The following TTC6 variants were observed in gnomAD, a reference collection of about 807,000 sequenced individuals.
The protein encoded by TTC6 is tetratricopeptide repeat domain 6.
TTC6 carries 172 observed loss-of-function variants against 210.4 expected under a neutral mutation model. The observed-to-expected ratio is 0.82, with a 90% CI of 0.72 to 0.93. The LOEUF (loss-of-function observed/expected upper bound fraction) is 0.93. TTC6 is among the 40% of genes least tolerant of loss of function. TTC6 has a pLI of 0.00. For missense variants in TTC6, 2,414 were observed against 2,318.1 expected (o/e 1.04, Z -0.85); for synonymous variants, 804 against 819.6 (o/e 0.98, Z 0.32).
At chr14:37,834,159 C>T (rs554783002) in intron 29 of TTC6, among the ~76,000 whole-genome samples, 22 of 152,192 alleles carry the variant, frequency 1.4e-4, no homozygotes, top group African/African-American at 5.3e-4. Flanking sequence ...GATAATGTGC[C>T]TTGGAGAGGG....
intron 1 of TTC6, among the ~76,000 whole-genome samples, chr14:37,650,553 A>G (rs552579079): frequency 2.0e-5 from 3 of 152,312 alleles, no homozygotes; most frequent in South Asian, 2.1e-4. Flanking sequence ...AAGCTTTCCT[A>G]TGGGAAAGTG....
intron 5 of TTC6, among the ~76,000 whole-genome samples, chr14:37,711,429 A>G (rs565961282): frequency 6.6e-6 from 1 of 152,266 alleles, no homozygotes; most frequent in African/African-American, 2.4e-5. Flanking sequence ...AGGATTTGTA[A>G]AGGTCTCGTG....
At chr14:37,712,076 G>A (rs1448350295) in intron 5 of TTC6, among the ~76,000 whole-genome samples, 1 of 152,100 alleles carries the variant, frequency 6.6e-6, no homozygotes, top group Non-Finnish European at 1.5e-5. Flanking sequence ...GGAGCATAAA[G>A]GCTAACCTTA....
At chr14:37,662,793 C>T (rs766752352) in intron 1 of TTC6, among the ~76,000 whole-genome samples, 12 of 152,140 alleles carry the variant, frequency 7.9e-5, no homozygotes, top group Non-Finnish European at 1.5e-4. Flanking sequence ...CAGTACTATG[C>T]AGTTTTGTTT....
chr14:37,675,892 A>G (rs568000027), intron 1 of TTC6, among the ~76,000 whole-genome samples: 40 of 152,044 alleles, frequency 2.6e-4, no homozygotes, highest in Middle Eastern at 3.4e-3. Flanking sequence ...AGAAATGTCA[A>G]AAATACTTTG....
intron 8 of TTC6, among the ~76,000 whole-genome samples, chr14:37,737,432 T>A (rs78423492): frequency 2.4e-4 from 37 of 151,416 alleles, no homozygotes; most frequent in Admixed American, 1.2e-3. Context: ...TTGAATTTTT[T>A]AAAAAAACAT....
intron 2 of TTC6, among the ~76,000 whole-genome samples, chr14:37,616,315 A>G (rs1489742419): frequency 6.6e-6 from 1 of 152,026 alleles, no homozygotes; most frequent in Non-Finnish European, 1.5e-5. Flanking sequence ...AGGGCTTCCT[A>G]TCAATGTTTT....
intron 1 of TTC6, among the ~76,000 whole-genome samples, chr14:37,669,982 A>G (rs1296909471): frequency 1.3e-5 from 2 of 152,158 alleles, no homozygotes; most frequent in Non-Finnish European, 2.9e-5. Context: ...AATTTGGAGG[A>G]GATGGAATTT....
chr14:37,608,286 TTG>T (rs142169592), intron 2 of TTC6, among the ~76,000 whole-genome samples: 32 of 151,136 alleles, frequency 2.1e-4, no homozygotes, highest in African/African-American at 4.4e-4. Context: ...CAAGTTTTTT[TTG>T]TGTGTGTGTG....
At chr14:37,719,887 G>A (rs2095858599) in intron 6 of TTC6, among the ~76,000 whole-genome samples, 1 of 151,792 alleles carries the variant, frequency 6.6e-6, no homozygotes, top group African/African-American at 2.4e-5. Context: ...CTCTACAAAA[G>A]ACCCTGTTAA....
At chr14:37,834,341 A>G (rs2096192992) in intron 29 of TTC6, among the ~76,000 whole-genome samples, 1 of 152,066 alleles carries the variant, frequency 6.6e-6, no homozygotes, top group Admixed American at 6.5e-5. Context: ...ATGGTATCCT[A>G]TATATGATGT....
At chr14:37,750,823 G>A (rs2095949564) in intron 12 of TTC6, among the ~76,000 whole-genome samples, 1 of 152,108 alleles carries the variant, frequency 6.6e-6, no homozygotes, top group South Asian at 2.1e-4. Context: ...CCTGGAGGTC[G>A]AGGCTGCAGT....
chr14:37,736,207 G>A (rs138701752), intron 8 of TTC6, among the ~76,000 whole-genome samples, 197 bp downstream of exon 10: 2 of 152,146 alleles, frequency 1.3e-5, no homozygotes, highest in African/African-American at 4.8e-5. Flanking sequence ...CCAATATGGT[G>A]AAACCCCATC....
intron 5 of TTC6, among the ~76,000 whole-genome samples, chr14:37,706,757 A>T (rs575631385): frequency 6.6e-6 from 1 of 152,182 alleles, no homozygotes; most frequent in Non-Finnish European, 1.5e-5. Context: ...TTCATTGTAC[A>T]CTTAACCCAT....
At chr14:37,714,081 T>C (rs2095848704) in intron 5 of TTC6, among the ~76,000 whole-genome samples, 1 of 152,244 alleles carries the variant, frequency 6.6e-6, no homozygotes, top group Non-Finnish European at 1.5e-5. Flanking sequence ...CAGTAATTAA[T>C]GACACATTTA....
At chr14:37,710,411 A>T (rs2095842766) in intron 5 of TTC6, among the ~76,000 whole-genome samples, 2 of 152,164 alleles carry the variant, frequency 1.3e-5, no homozygotes, top group Non-Finnish European at 2.9e-5. Flanking sequence ...CTTTAACAGC[A>T]TCATACAATC....
At chr14:37,807,284 C>T (rs1377396358) in intron 22 of TTC6, 36 bp from the exon 25 acceptor site, 5 of 1,438,274 alleles carry the variant, frequency 3.5e-6, no homozygotes, top group Admixed American at 4.0e-5. Flanking sequence ...TTTACTAAAG[C>T]ATCCATTCCT....
At chr14:37,623,065 G>A in intron 1 of TTC6, 62 bp downstream of exon 3, 2 of 1,204,456 alleles carry the variant, frequency 1.7e-6, no homozygotes, top group Non-Finnish European at 2.2e-6. Context: ...CATTACATAT[G>A]TAAGAGTAGT....
intron 2 of TTC6, among the ~76,000 whole-genome samples, chr14:37,608,286 T>TGTGTGTGTGTG (rs1555377850): frequency 6.6e-6 from 1 of 151,094 alleles, no homozygotes; most frequent in Non-Finnish European, 1.5e-5. Flanking sequence ...CAAGTTTTTT[T>TGTGTGTGTGTG]TGTGTGTGTG....
Sources: gnomAD v4.1 joint callset for allele counts (sites outside exome capture counted in the v4.1 genomes callset) on GRCh38, gnomAD v4.1.1 for gene constraint, MANE v1.5 for transcripts, NCBI Gene and HGNC (gene_info 2026-07-23, HGNC 2026-07-21) for gene names.